The following LCP1 variants were observed in gnomAD, a reference collection of about 807,000 sequenced individuals.
LCP1 encodes the protein lymphocyte cytosolic protein 1.
LCP1 carries 23 observed loss-of-function variants against 72.0 expected under a neutral mutation model. The observed-to-expected ratio is 0.32, with a 90% CI of 0.23 to 0.45. LCP1 has a LOEUF of 0.45. Among genes scored for constraint, LCP1 ranks in the 20% least tolerant of loss-of-function variants. LCP1 has a pLI of 1.00. For missense variants in LCP1, 571 were observed against 748.3 expected, an observed-to-expected ratio of 0.76 and a Z score of 2.76; for synonymous variants, 245 against 275.4, an observed-to-expected ratio of 0.89 and a Z score of 1.09.
At chr13:46,157,108 C>A (rs1159879998) in intron 4 of LCP1, among the ~76,000 whole-genome samples, 1 of 151,916 alleles carries the variant, frequency 6.6e-6, no homozygotes, top group Non-Finnish European at 1.5e-5. Context: ...GTGTGAGCCA[C>A]CGCGCCCGGC....
At chr13:46,162,411 T>C (rs1002446576) in intron 1 of LCP1, among the ~76,000 whole-genome samples, 4 of 151,870 alleles carry the variant, frequency 2.6e-5, no homozygotes, top group Non-Finnish European at 4.4e-5. Context: ...CTGATTCTCC[T>C]GCCTCAGCCT....
In LCP1 at chr13:46,127,544, G is replaced by A; in HGVS notation, c.*47C>T. Reference sequence around the variant, plus strand: ...AATCATCCCTGGAGCATCTGTGCCGGGCAGTCAGGAGTGAGTGCACCGCCT... The same window carrying A: ...AATCATCCCTGGAGCATCTGTGCCGAGCAGTCAGGAGTGAGTGCACCGCCT... On this transcript the variant is annotated 3_prime_UTR_variant, in exon 16 of 16. Transcript: ENST00000323076. 5 of 1,609,848 alleles carry A rather than the reference G, an allele frequency of 3.1e-6. No individual in the cohort carries two copies. Among genetic ancestry groups the A allele is most frequent in the Non-Finnish European group, 4.2e-6 (5 of 1,177,554 alleles).
At chr13:46,137,200 G>A (rs2045669812) in intron 13 of LCP1, among the ~76,000 whole-genome samples, 1 of 131,370 alleles carries the variant, frequency 7.6e-6, no homozygotes, top group Non-Finnish European at 1.6e-5. Flanking sequence ...CCACTTGTAA[G>A]TAAAACGATA....
intron 11 of LCP1, among the ~76,000 whole-genome samples, chr13:46,143,956 CT>C (rs1414434940): frequency 6.6e-6 from 1 of 152,028 alleles, no homozygotes; most frequent in Admixed American, 6.5e-5. Context: ...GTCCAAACTA[CT>C]TGGGAGGCTG....
intron 13 of LCP1, among the ~76,000 whole-genome samples, chr13:46,137,253 C>T (rs187413543): frequency 2.6e-4 from 39 of 151,214 alleles, no homozygotes; most frequent in Admixed American, 2.1e-3. Context: ...TAGAATTAGG[C>T]TGGGCCGGGC....
At chr13:46,163,079 C>A (rs1330962784) in intron 1 of LCP1, among the ~76,000 whole-genome samples, 1 of 151,764 alleles carries the variant, frequency 6.6e-6, no homozygotes, top group South Asian at 2.1e-4. Flanking sequence ...TCTGCCCTGC[C>A]GCCCCTTCTG....
intron 12 of LCP1, 117 bp from the exon 13 acceptor site, chr13:46,142,542 C>A (rs1249906145): frequency 8.9e-7 from 1 of 1,118,754 alleles, no homozygotes; most frequent in Non-Finnish European, 1.3e-6. Flanking sequence ...CGAATGACCT[C>A]TCAAGTCTCA....
At position 46,146,881 on chromosome 13, in the gene LCP1, C is replaced by T. The variant is rs367985620; in HGVS notation, c.1174+27G>A. The T allele has an allele frequency of 3.1e-6, 5 of 1,610,998 alleles. No homozygotes were observed. The African/African-American group carries it at 5.3e-5, about 17-fold the overall frequency. ...AATTAGAATTGTGAGTGCCTTTCCC[C>T]ATCTTAGGCAAATCGTTTACAGTTA... On this transcript the variant is annotated intron_variant, in intron 10 of 15. Coordinates refer to ENST00000323076, the MANE Select transcript of LCP1 (RefSeq NM_002298.5).
At chr13:46,138,400 T>C (rs2045677698) in intron 13 of LCP1, among the ~76,000 whole-genome samples, 1 of 152,168 alleles carries the variant, frequency 6.6e-6, no homozygotes, top group African/African-American at 2.4e-5. Context: ...TCATTACTTC[T>C]CCTTCTACAG....
At chr13:46,146,274 G>A (rs2045730281) in intron 10 of LCP1, among the ~76,000 whole-genome samples, 1 of 152,134 alleles carries the variant, frequency 6.6e-6, no homozygotes, top group African/African-American at 2.4e-5. Flanking sequence ...TTGCTTGGGT[G>A]ATATTCATTT....
intron 13 of LCP1, among the ~76,000 whole-genome samples, chr13:46,136,006 T>G (rs1043246257): frequency 1.4e-4 from 21 of 151,878 alleles, no homozygotes; most frequent in Non-Finnish European, 2.2e-4. Context: ...ACAATTTGGC[T>G]CTAGTATTCT....
intron 1 of LCP1, among the ~76,000 whole-genome samples, chr13:46,167,708 T>C (rs968925445): frequency 6.6e-6 from 1 of 152,220 alleles, no homozygotes; most frequent in Non-Finnish European, 1.5e-5. Context: ...TGTTTAACCA[T>C]GATTGCACTA....
intron 10 of LCP1, 136 bp from the exon 11 acceptor site, chr13:46,144,656 T>A: frequency 3.1e-6 from 2 of 654,152 alleles, no homozygotes; most frequent in Non-Finnish European, 5.4e-6. Flanking sequence ...TGTATTGGAT[T>A]TGGACGAGGG....
chr13:46,159,903 G>C (rs1437328831), intron 1 of LCP1, among the ~76,000 whole-genome samples: 1 of 151,940 alleles, frequency 6.6e-6, no homozygotes, highest in African/African-American at 2.4e-5. Context: ...CTTCCCTCTC[G>C]GTCTATACAG....
At chr13:46,136,166 A>ACCTCCATC (rs1373250180) in intron 13 of LCP1, among the ~76,000 whole-genome samples, 1 of 151,500 alleles carries the variant, frequency 6.6e-6, no homozygotes, top group Non-Finnish European at 1.5e-5. Flanking sequence ...CCCCAGGCAC[A>ACCTCCATC]CCTCCATCCT....
At chr13:46,137,564 C>G (rs780599636) in intron 13 of LCP1, among the ~76,000 whole-genome samples, 1 of 152,170 alleles carries the variant, frequency 6.6e-6, no homozygotes, top group Non-Finnish European at 1.5e-5. Context: ...GCTAGAGCCT[C>G]CATTCTAGAT....
intron 1 of LCP1, among the ~76,000 whole-genome samples, chr13:46,181,684 A>G (rs923804962): frequency 1.3e-5 from 2 of 152,242 alleles, no homozygotes; most frequent in African/African-American, 4.8e-5. Context: ...CGCAGGAACT[A>G]AAATTAAACT....
chr13:46,178,139 G>A (rs1425525377), intron 1 of LCP1, among the ~76,000 whole-genome samples: 2 of 152,128 alleles, frequency 1.3e-5, no homozygotes, highest in Non-Finnish European at 2.9e-5. Flanking sequence ...AATATGAAGA[G>A]GACACCAGAC....
chr13:46,144,941 C>T (rs1335330252), intron 10 of LCP1, among the ~76,000 whole-genome samples: 1 of 152,082 alleles, frequency 6.6e-6, no homozygotes, highest in African/African-American at 2.4e-5. Context: ...TGAACTTGTC[C>T]TTGGATAGCT....
Sources: gnomAD v4.1 joint callset for allele counts (sites outside exome capture counted in the v4.1 genomes callset) on GRCh38, gnomAD v4.1.1 for gene constraint, MANE v1.5 for transcripts, NCBI Gene and HGNC (gene_info 2026-07-23, HGNC 2026-07-21) for gene names.